Variants in EFNA5 observed in about 807,000 individuals in gnomAD.
EFNA5 encodes ephrin A5.
EFNA5 carries 5 observed loss-of-function variants against 22.9 expected under a neutral mutation model. The ratio of observed to expected loss-of-function variants is 0.22; its 90% CI spans 0.11 to 0.46. The LOEUF is 0.46. Among genes scored for constraint, EFNA5 ranks in the 20% least tolerant of loss-of-function variants. The pLI, the probability that EFNA5 is intolerant of heterozygous loss-of-function variation, is 0.99. For missense variants in EFNA5, 237 were observed against 293.3 expected (o/e 0.81, Z 1.40); for synonymous variants, 113 against 112.2 (o/e 1.01, Z -0.04).
intron 1 of EFNA5, among the ~76,000 whole-genome samples, chr5:107,648,040 G>T (rs762246683): frequency 2.0e-5 from 3 of 151,936 alleles, no homozygotes; most frequent in African/African-American, 7.3e-5. Context: ...TGATGCAAAC[G>T]CATTTAGTAA....
At chr5:107,626,622 G>A (rs184027326) in intron 1 of EFNA5, among the ~76,000 whole-genome samples, 6 of 152,278 alleles carry the variant, frequency 3.9e-5, no homozygotes, top group Admixed American at 3.9e-4. Flanking sequence ...CATGTATGCT[G>A]TGGACAGAAG....
intron 2 of EFNA5, among the ~76,000 whole-genome samples, chr5:107,415,519 A>T (rs1748480765): frequency 6.6e-6 from 1 of 152,136 alleles, no homozygotes; most frequent in African/African-American, 2.4e-5. Context: ...AAGAGAAGAA[A>T]TCCACGTGAG....
At chr5:107,562,001 C>T (rs570763573) in intron 1 of EFNA5, among the ~76,000 whole-genome samples, 10 of 152,248 alleles carry the variant, frequency 6.6e-5, no homozygotes, top group African/African-American at 2.2e-4. Flanking sequence ...GGGGATGGGA[C>T]GCACCCTGCC....
chr5:107,419,231 C>T (rs1748589975), intron 2 of EFNA5, among the ~76,000 whole-genome samples: 1 of 152,208 alleles, frequency 6.6e-6, no homozygotes, highest in African/African-American at 2.4e-5. Flanking sequence ...TAAATATCCT[C>T]TTTCATGTTC....
intron 1 of EFNA5, among the ~76,000 whole-genome samples, chr5:107,518,395 T>G (rs941372226): frequency 4.6e-5 from 7 of 152,018 alleles, no homozygotes; most frequent in Non-Finnish European, 1.0e-4. Context: ...GGAGAGTTGA[T>G]AATGCACACA....
chr5:107,594,906 A>C (rs998777205), intron 1 of EFNA5, among the ~76,000 whole-genome samples: 5 of 152,186 alleles, frequency 3.3e-5, no homozygotes, highest in Non-Finnish European at 7.3e-5. Context: ...CTGGATACCA[A>C]AGCAGACCTT....
intron 1 of EFNA5, among the ~76,000 whole-genome samples, chr5:107,450,367 AAAGCCACAG>A (rs1269107445): frequency 6.6e-6 from 1 of 152,190 alleles, no homozygotes; most frequent in Non-Finnish European, 1.5e-5. Context: ...AGATTTAAGT[AAAGCCACAG>A]AACTGGAATT....
intron 1 of EFNA5, among the ~76,000 whole-genome samples, chr5:107,475,949 A>C (rs1750273465): frequency 6.8e-6 from 1 of 148,088 alleles, no homozygotes; most frequent in African/African-American, 2.5e-5. Context: ...AACTGTGTTC[A>C]TGTTTTTCAC....
At chr5:107,544,738 T>C (rs1301807724) in intron 1 of EFNA5, among the ~76,000 whole-genome samples, 7 of 152,332 alleles carry the variant, frequency 4.6e-5, no homozygotes, top group Middle Eastern at 6.8e-3. Context: ...ATTATTTCTT[T>C]ACTTGCCAAA....
chr5:107,395,083 G>A (rs931175482), intron 2 of EFNA5, among the ~76,000 whole-genome samples: 1 of 116,700 alleles, frequency 8.6e-6, no homozygotes, highest in Non-Finnish European at 1.6e-5. Context: ...CTGTCGCCCA[G>A]GCTGGAGTGC....
At chr5:107,551,481 T>C (rs1748295786) in intron 1 of EFNA5, among the ~76,000 whole-genome samples, 1 of 152,168 alleles carries the variant, frequency 6.6e-6, no homozygotes, top group Non-Finnish European at 1.5e-5. Context: ...TTTCTAGTAA[T>C]GACATGTTCT....
intron 2 of EFNA5, among the ~76,000 whole-genome samples, chr5:107,414,056 A>G (rs1362277155): frequency 1.3e-5 from 2 of 152,184 alleles, no homozygotes; most frequent in African/African-American, 4.8e-5. Context: ...AGACCCATCC[A>G]TTCCTACTTT....
chr5:107,636,707 C>A (rs1256254281), intron 1 of EFNA5, among the ~76,000 whole-genome samples: 2 of 152,128 alleles, frequency 1.3e-5, no homozygotes, highest in Non-Finnish European at 2.9e-5. Flanking sequence ...TGGCATAAGC[C>A]ACGTATCTTG....
At chr5:107,482,676 G>A (rs1371777953) in intron 1 of EFNA5, among the ~76,000 whole-genome samples, 1 of 151,982 alleles carries the variant, frequency 6.6e-6, no homozygotes, top group Non-Finnish European at 1.5e-5. Context: ...AAATTAAGCT[G>A]GTATTTATAC....
intron 4 of EFNA5, among the ~76,000 whole-genome samples, chr5:107,386,317 AAGGAAACACAC>A (rs1205384362): frequency 6.6e-6 from 1 of 152,096 alleles, no homozygotes; most frequent in Admixed American, 6.6e-5. Flanking sequence ...ACCACAGAGG[AAGGAAACACAC>A]AGGGCCTCCA....
chr5:107,463,955 T>C (rs985146550), intron 1 of EFNA5, among the ~76,000 whole-genome samples: 1 of 152,152 alleles, frequency 6.6e-6, no homozygotes, highest in Non-Finnish European at 1.5e-5. Flanking sequence ...TCATATTAGA[T>C]CACAGTTTAC....
At chr5:107,451,691 C>A (rs1184274075) in intron 1 of EFNA5, among the ~76,000 whole-genome samples, 2 of 152,000 alleles carry the variant, frequency 1.3e-5, no homozygotes, top group African/African-American at 4.8e-5. Context: ...AAGCCTGGAC[C>A]CACTTAAGAA....
intron 2 of EFNA5, among the ~76,000 whole-genome samples, chr5:107,424,426 C>T (rs1748756715): frequency 6.6e-6 from 1 of 150,728 alleles, no homozygotes; most frequent in Non-Finnish European, 1.5e-5. Context: ...CTCTCTTGGC[C>T]AGGCTGGTCT....
intron 1 of EFNA5, among the ~76,000 whole-genome samples, chr5:107,641,130 G>C (rs1031453095): frequency 2.6e-5 from 4 of 152,152 alleles, no homozygotes; most frequent in Admixed American, 1.3e-4. Context: ...GGCCAAGGCA[G>C]GTGGATTGCT....
Sources: allele counts gnomAD v4.1 joint callset (sites outside exome capture counted in the v4.1 genomes callset), GRCh38; gene constraint gnomAD v4.1.1; transcripts MANE v1.5; gene names NCBI Gene and HGNC (gene_info 2026-07-23, HGNC 2026-07-21).